The following DENND1A variants were observed in gnomAD, a reference collection of about 807,000 sequenced individuals.
DENND1A encodes DENN domain containing 1A.
DENND1A carries 51 observed loss-of-function variants against 113.7 expected under a neutral mutation model. That is an observed-to-expected ratio of 0.45 (90% CI 0.36 to 0.57). The LOEUF (loss-of-function observed/expected upper bound fraction) is 0.57. Among genes scored for constraint, DENND1A ranks in the 20% least tolerant of loss-of-function variants. DENND1A has a pLI of 0.00. For synonymous variants in DENND1A, 565 were observed against 570.8 expected (o/e 0.99, Z 0.14); for missense variants, 1,258 against 1,395.9 (o/e 0.90, Z 1.57).
At chr9:123,580,319 C>T (rs1045271755) in intron 12 of DENND1A, among the ~76,000 whole-genome samples, 1 of 152,198 alleles carries the variant, frequency 6.6e-6, no homozygotes, top group Admixed American at 6.5e-5. Context: ...CATTATCCTC[C>T]CCAAAATTTT....
chr9:123,473,469 G>A (rs1008138167), intron 13 of DENND1A, among the ~76,000 whole-genome samples: 1 of 152,138 alleles, frequency 6.6e-6, no homozygotes, highest in Non-Finnish European at 1.5e-5. Flanking sequence ...CGAGACTCAG[G>A]GGCAGCAATC....
At chr9:123,497,669 C>G (rs766513865) in intron 13 of DENND1A, among the ~76,000 whole-genome samples, 1 of 152,118 alleles carries the variant, frequency 6.6e-6, no homozygotes. Flanking sequence ...TTCAACACTC[C>G]TATCAGTAGC....
intron 21 of DENND1A, among the ~76,000 whole-genome samples, chr9:123,399,492 C>T (rs1253939594): frequency 1.3e-5 from 2 of 152,138 alleles, no homozygotes; most frequent in Admixed American, 6.5e-5. Context: ...CTCAGCCTCC[C>T]GACTAGCTGG....
At chr9:123,643,219 A>G (rs769948265) in intron 9 of DENND1A, among the ~76,000 whole-genome samples, 1 of 152,114 alleles carries the variant, frequency 6.6e-6, no homozygotes, top group African/African-American at 2.4e-5. Context: ...ATTTTTGTTG[A>G]CGCAGTTAGG....
chr9:123,791,968 A>G (rs1353401489), intron 3 of DENND1A, among the ~76,000 whole-genome samples: 1 of 152,230 alleles, frequency 6.6e-6, no homozygotes, highest in East Asian at 1.9e-4. Flanking sequence ...TATAAAAAAT[A>G]CAGCAACATC....
rs1024379805 is a variant in DENND1A, at chr9:123,381,095, T to G, written c.*337A>C. ...GGCCTTCGGAGCCTCTTGGGACACT[T>G]CCGGGGGAAGGTGGGTAGGACTCGG... On this transcript the variant is annotated 3_prime_UTR_variant, in exon 24 of 24. Coordinates refer to ENST00000394215, the MANE Select transcript of DENND1A (RefSeq NM_001352964.2). The surrounding 1 kb of genome is among the most constrained non-coding windows in gnomAD (Gnocchi z 4.7). The G allele has an allele frequency of 3.3e-6, 1 of 305,134 alleles. No individual in the cohort carries two copies. The highest frequency in any genetic ancestry group is 2.2e-5 in the African/African-American group (1 of 45,070). The allele number at this position is 305,134 out of a possible 1,614,324, so 18.9% of individuals were successfully genotyped here. A position where few individuals can be genotyped will look rare whatever the true frequency, so the allele number is the denominator to read the frequency against.
At chr9:123,918,405 G>C (rs1855609464) in intron 1 of DENND1A, among the ~76,000 whole-genome samples, 1 of 151,450 alleles carries the variant, frequency 6.6e-6, no homozygotes, top group Admixed American at 6.6e-5. Context: ...GGAGAATGGC[G>C]TGAACCCGGG....
At chr9:123,551,570 A>G (rs1023029423) in intron 13 of DENND1A, among the ~76,000 whole-genome samples, 1 of 152,162 alleles carries the variant, frequency 6.6e-6, no homozygotes, top group African/African-American at 2.4e-5. Context: ...CCCTGTGTGT[A>G]AAGGGCTAGT....
At chr9:123,468,198 T>C (rs547901451) in intron 13 of DENND1A, among the ~76,000 whole-genome samples, 8 of 152,242 alleles carry the variant, frequency 5.3e-5, no homozygotes, top group African/African-American at 1.7e-4. Flanking sequence ...TGACTACACC[T>C]CTTAGATCCT....
intron 5 of DENND1A, among the ~76,000 whole-genome samples, chr9:123,753,727 C>A (rs1046025447): frequency 5.3e-5 from 8 of 152,180 alleles, no homozygotes; most frequent in Non-Finnish European, 1.2e-4. Context: ...TAATTAAGAT[C>A]CAGCCTTTAC....
chr9:123,780,645 T>TAATATC (rs1477777156), intron 3 of DENND1A, among the ~76,000 whole-genome samples: 4 of 152,230 alleles, frequency 2.6e-5, no homozygotes, highest in Non-Finnish European at 5.9e-5. Context: ...TGTATAAATG[T>TAATATC]AATATCACAT....
At position 123,801,393 on chromosome 9, in the gene DENND1A, G is replaced by A. The variant is rs556335654; in HGVS notation, c.89-8763C>T. Among the ~76,000 whole-genome samples the A allele has an allele frequency of 3.5e-4, 54 of 152,262 alleles. No individual in the cohort carries two copies. The East Asian group carries it at 5.6e-3, about 16-fold the overall frequency. The stretch of plus-strand genomic sequence containing the variant: ...ATGAATTTGAATAGTCTAGTTACAT[G>A]ATATAAGTGGAATCACTTAGCATGA... On this transcript the variant is annotated intron_variant, in intron 2 of 23. Transcript: ENST00000394215.
At chr9:123,499,124 C>T (rs1489980856) in intron 13 of DENND1A, among the ~76,000 whole-genome samples, 6 of 152,078 alleles carry the variant, frequency 3.9e-5, no homozygotes, top group Admixed American at 3.9e-4. Flanking sequence ...AGCTCCACCT[C>T]CCAGGTTCAA....
intron 19 of DENND1A, among the ~76,000 whole-genome samples, chr9:123,423,945 A>G (rs1318653608): frequency 2.6e-5 from 4 of 152,304 alleles, no homozygotes; most frequent in East Asian, 1.9e-4. Context: ...ACTGTACATC[A>G]TCCTTGGTGG....
chr9:123,454,589 G>T, intron 16 of DENND1A, 150 bp downstream of exon 16: 1 of 797,314 alleles, frequency 1.3e-6, no homozygotes, highest in Non-Finnish European at 2.1e-6. Flanking sequence ...GTCTCCATCT[G>T]GCATGAGAAG....
chr9:123,729,746 T>C (rs1335431843), intron 5 of DENND1A, among the ~76,000 whole-genome samples: 1 of 152,142 alleles, frequency 6.6e-6, no homozygotes, highest in Non-Finnish European at 1.5e-5. Context: ...TTCACAGAAT[T>C]AGAAAAAACT....
At chr9:123,734,809 G>A (rs1308484693) in intron 5 of DENND1A, among the ~76,000 whole-genome samples, 1 of 152,070 alleles carries the variant, frequency 6.6e-6, no homozygotes, top group Non-Finnish European at 1.5e-5. Flanking sequence ...TCTCACATGA[G>A]CACATCCCAA....
chr9:123,619,449 C>G (rs1311055339), intron 10 of DENND1A, among the ~76,000 whole-genome samples: 1 of 152,136 alleles, frequency 6.6e-6, no homozygotes, highest in African/African-American at 2.4e-5. Context: ...GACAGAGTCT[C>G]ACTCTCCTTG....
intron 1 of DENND1A, among the ~76,000 whole-genome samples, chr9:123,893,068 ATGGCCCAC>A (rs1405602100): frequency 6.6e-6 from 1 of 152,188 alleles, no homozygotes; most frequent in Non-Finnish European, 1.5e-5. Context: ...ATGGTGGCTC[ATGGCCCAC>A]TGGCCCACTA....
Sources: allele counts gnomAD v4.1 joint callset (sites outside exome capture counted in the v4.1 genomes callset), GRCh38; gene constraint gnomAD v4.1.1; non-coding constraint Gnocchi (gnomAD v3.1); transcripts MANE v1.5; gene names NCBI Gene and HGNC (gene_info 2026-07-23, HGNC 2026-07-21).